ZMAT4: variants seen among roughly 807,000 people sequenced by gnomAD.
The protein encoded by ZMAT4 is zinc finger matrin-type protein 4.
ZMAT4 carries 17 observed loss-of-function variants against 28.7 expected under a neutral mutation model. The observed-to-expected ratio is 0.59, with a 90% confidence interval of 0.41 to 0.89. The LOEUF is 0.89. ZMAT4 is among the 40% of genes least tolerant of loss of function. The pLI, the probability that ZMAT4 is intolerant of heterozygous loss-of-function variation, is 0.00. For missense variants in ZMAT4, 240 were observed against 283.8 expected, an observed-to-expected ratio of 0.85 and a Z score of 1.11; for synonymous variants, 117 against 109.2, an observed-to-expected ratio of 1.07 and a Z score of -0.44.
At chr8:40,861,617 TCA>T (rs1354298849) in intron 1 of ZMAT4, among the ~76,000 whole-genome samples, 1 of 152,096 alleles carries the variant, frequency 6.6e-6, no homozygotes, top group Admixed American at 6.5e-5. Context: ...GAAACTACCA[TCA>T]GAGTGAACAG....
chr8:40,804,240 G>T (rs920000587), intron 2 of ZMAT4, among the ~76,000 whole-genome samples: 1 of 152,172 alleles, frequency 6.6e-6, no homozygotes, highest in African/African-American at 2.4e-5. Flanking sequence ...GACTCTGAGT[G>T]ATAATGATGT....
chr8:40,771,338 A>C (rs1037387015), intron 2 of ZMAT4, among the ~76,000 whole-genome samples: 5 of 47,770 alleles, frequency 1.0e-4, no homozygotes, highest in African/African-American at 1.7e-4. Context: ...TAGAAAAGAA[A>C]AAGAAAAAAA....
intron 5 of ZMAT4, among the ~76,000 whole-genome samples, chr8:40,619,437 G>A (rs865808952): frequency 1.3e-5 from 2 of 152,154 alleles, no homozygotes; most frequent in East Asian, 3.9e-4. Flanking sequence ...CATCAGATAT[G>A]CTGTGCTGGG....
chr8:40,830,945 C>A (rs1816258758), intron 1 of ZMAT4, among the ~76,000 whole-genome samples: 1 of 152,140 alleles, frequency 6.6e-6, no homozygotes, highest in Non-Finnish European at 1.5e-5. Flanking sequence ...GTAGATAAAC[C>A]ATCTAGCACA....
At chr8:40,733,147 T>C (rs1247741587) in intron 3 of ZMAT4, among the ~76,000 whole-genome samples, 1 of 152,088 alleles carries the variant, frequency 6.6e-6, no homozygotes, top group Non-Finnish European at 1.5e-5. Context: ...ACCTCCATAC[T>C]TTTAACTTAA....
chr8:40,744,657 AG>A (rs1392023475), intron 3 of ZMAT4, among the ~76,000 whole-genome samples: 1 of 152,080 alleles, frequency 6.6e-6, no homozygotes, highest in Non-Finnish European at 1.5e-5. Context: ...CACCCACCCC[AG>A]GTATTAGGTT....
intron 5 of ZMAT4, among the ~76,000 whole-genome samples, chr8:40,648,208 C>A (rs546907525): frequency 1.3e-5 from 2 of 152,026 alleles, no homozygotes; most frequent in Non-Finnish European, 2.9e-5. Context: ...ACTAGAATAA[C>A]CAATACAGAG....
chr8:40,789,704 C>A (rs1814243632), intron 2 of ZMAT4, among the ~76,000 whole-genome samples: 1 of 152,164 alleles, frequency 6.6e-6, no homozygotes, highest in Middle Eastern at 3.4e-3. Flanking sequence ...TGTGTACCCA[C>A]AAAAATTAAA....
intron 1 of ZMAT4, among the ~76,000 whole-genome samples, chr8:40,855,339 G>A (rs141396071): frequency 6.6e-6 from 1 of 152,006 alleles, no homozygotes; most frequent in Non-Finnish European, 1.5e-5. Flanking sequence ...CCTGCTTTTG[G>A]CCCTAGTGCC....
At chr8:40,844,588 C>A (rs371176450) in intron 1 of ZMAT4, among the ~76,000 whole-genome samples, 116 of 152,036 alleles carry the variant, frequency 7.6e-4, no homozygotes, top group Middle Eastern at 3.4e-3. Flanking sequence ...TGAAATAAAT[C>A]TCATATATGT....
chr8:40,756,557 G>T (rs1228677628), intron 3 of ZMAT4, among the ~76,000 whole-genome samples: 1 of 148,878 alleles, frequency 6.7e-6, no homozygotes, highest in Non-Finnish European at 1.5e-5. Flanking sequence ...CGTAAGTAGG[G>T]GACTACATAA....
chr8:40,653,099 G>A (rs1807756372), intron 5 of ZMAT4, among the ~76,000 whole-genome samples: 1 of 151,668 alleles, frequency 6.6e-6, no homozygotes, highest in Non-Finnish European at 1.5e-5. Flanking sequence ...TAATAAAAAA[G>A]AAATTTGAGA....
intron 5 of ZMAT4, among the ~76,000 whole-genome samples, chr8:40,642,140 A>G (rs1262531708): frequency 6.6e-6 from 1 of 152,176 alleles, no homozygotes; most frequent in Non-Finnish European, 1.5e-5. Flanking sequence ...ACAGATTTTT[A>G]GTATAAGTAT....
intron 1 of ZMAT4, among the ~76,000 whole-genome samples, chr8:40,846,462 T>G (rs2150631218): frequency 6.6e-6 from 1 of 152,380 alleles, no homozygotes; most frequent in East Asian, 1.9e-4. Flanking sequence ...CGGAGCTGCC[T>G]GGCTCTGGAT....
chr8:40,615,723 T>C (rs1346200860), intron 5 of ZMAT4, among the ~76,000 whole-genome samples: 1 of 152,244 alleles, frequency 6.6e-6, no homozygotes, highest in Non-Finnish European at 1.5e-5. Context: ...TCGAATCGGA[T>C]ACTGAAACTT....
intron 4 of ZMAT4, among the ~76,000 whole-genome samples, chr8:40,684,322 A>G (rs1228464757): frequency 1.3e-5 from 2 of 152,196 alleles, no homozygotes; most frequent in Non-Finnish European, 2.9e-5. Context: ...ACGTCCTTTC[A>G]TCGTAAACCT....
chr8:40,695,657 C>T (rs1160659159), intron 4 of ZMAT4, among the ~76,000 whole-genome samples: 1 of 152,016 alleles, frequency 6.6e-6, no homozygotes, highest in Non-Finnish European at 1.5e-5. Context: ...AAATTACACT[C>T]GAGTTCTATT....
intron 6 of ZMAT4, 25 bp from the exon 7 acceptor site, chr8:40,532,263 G>A (rs1251578173): frequency 1.3e-6 from 2 of 1,567,834 alleles, no homozygotes; most frequent in Admixed American, 1.8e-5. Flanking sequence ...GAAACACAGT[G>A]TTACCTTCTT....
intron 1 of ZMAT4, among the ~76,000 whole-genome samples, chr8:40,891,663 A>G (rs531410150): frequency 5.3e-5 from 8 of 152,130 alleles, no homozygotes; most frequent in Admixed American, 3.9e-4. Context: ...TTCCTGCAGG[A>G]GAAAAAACCC....
Sources: allele counts gnomAD v4.1 joint callset (sites outside exome capture counted in the v4.1 genomes callset), GRCh38; gene constraint gnomAD v4.1.1; transcripts MANE v1.5; gene names NCBI Gene and HGNC (gene_info 2026-07-23, HGNC 2026-07-21).